Variants in SLC25A47 observed in about 807,000 individuals in gnomAD.
SLC25A47 encodes the protein solute carrier family 25 member 47.
In SLC25A47, 30 loss-of-function variants were observed where a neutral mutation model predicts 29.8. The ratio of observed to expected loss-of-function variants is 1.01; its 90% CI spans 0.75 to 1.36. The LOEUF (loss-of-function observed/expected upper bound fraction) is 1.36, where lower values mean the gene tolerates loss of function less well. Ranked by LOEUF, SLC25A47 falls within the 40% of genes most tolerant of loss-of-function variation. The probability of loss-of-function intolerance (pLI) is 0.00; values close to 1 mark genes in which losing one functional copy is unlikely to be tolerated. For missense variants in SLC25A47, 430 were observed against 441.9 expected (o/e 0.97, Z 0.24); for synonymous variants, 204 against 197.8 (o/e 1.03, Z -0.26).
rs746946677 is a variant in SLC25A47 at position 100,328,766 on chromosome 14, TGCAGAC to T, written c.375_380del (p.Thr127_Gln128del). 1.9e-5 allele frequency: 31 copies of T among 1,612,906 alleles called. No individual in the cohort carries two copies. In the Middle Eastern group the frequency reaches 1.6e-3, roughly 86 times the overall value. On this transcript the variant is annotated inframe_deletion, in exon 5 of 6. Transcript: ENST00000361529. ...CCCACTGAGGTGGCCAAAGTCCGCT[TGCAGAC>T]GCAGACACAGGCGCAGAAGCAGCAG...
At position 100,326,171 on chromosome 14, in the gene SLC25A47, G is replaced by C. The variant is rs374251500; in HGVS notation, c.87G>C (p.Thr29=). 2 of 1,613,674 alleles carry C rather than the reference G, an allele frequency of 1.2e-6. No individual in the cohort carries two copies. Among genetic ancestry groups the C allele is most frequent in the Admixed American group, 1.7e-5 (1 of 59,984 alleles). Residue 29 remains threonine (T), a synonymous_variant, in exon 3 of 6, where the codon ACG becomes ACC. Coordinates refer to ENST00000361529, the MANE Select transcript of SLC25A47 (RefSeq NM_207117.4). The part of the protein sequence containing the change: ...PLDTVKVRIQ[T]EPKYTGIWHC... ...TTCTCCTGCAGGTCAGGATCCAGAC[G>C]GAGCCAAAGTACACAGGCATCTGGC... is the stretch of plus-strand genomic sequence containing the variant.
chr14:100,328,607 A>T, intron 4 of SLC25A47, 119 bp from the exon 5 acceptor site: 1 of 1,052,252 alleles, frequency 9.5e-7, no homozygotes, highest in Admixed American at 2.1e-5. Flanking sequence ...GCCAGCCTGC[A>T]GGGTCTCGGG....
chr14:100,328,936 A>G lies in SLC25A47; in HGVS notation c.538A>G (p.Lys180Glu), dbSNP rs778680888. Reference protein sequence around the residue: ...AREEGLCGLYKGSSALVLRDG... With the variant: ...AREEGLCGLYEGSSALVLRDG... ...TGAGGAGGGGCTGTGCGGCCTCTAC[A>G]AGGGCAGCTCGGCCCTGGTCTTACG... The change falls in exon 5 of 6, where the codon AAG (lysine) becomes GAG (glutamate). Residue 180 changes from lysine to glutamate, a missense_variant. Coordinates refer to ENST00000361529, the MANE Select transcript of SLC25A47 (RefSeq NM_207117.4). The G allele has an allele frequency of 2.5e-6, 4 of 1,606,680 alleles. No individual in the cohort carries two copies. The highest frequency in any genetic ancestry group is 3.3e-5 in the Admixed American group (2 of 60,022).
At chr14:100,324,545 G>A (rs536570482) in intron 1 of SLC25A47, among the ~76,000 whole-genome samples, 34 of 152,290 alleles carry the variant, frequency 2.2e-4, no homozygotes, top group Non-Finnish European at 4.7e-4. Context: ...GCCTTTCTCA[G>A]CCCCAGCTAG....
intron 1 of SLC25A47, among the ~76,000 whole-genome samples, chr14:100,324,201 G>A (rs1020242115): frequency 6.6e-6 from 1 of 151,996 alleles, no homozygotes; most frequent in Non-Finnish European, 1.5e-5. Flanking sequence ...AGAAGGCAGA[G>A]TACCTGCCCC....
intron 2 of SLC25A47, 125 bp from the exon 3 acceptor site, chr14:100,326,032 C>A: frequency 1.0e-6 from 1 of 983,120 alleles, no homozygotes; most frequent in South Asian, 1.5e-5. Flanking sequence ...GGCTCCCTGT[C>A]CCTGCTGTGC....
At chr14:100,325,591 G>C (rs1238418213) in intron 1 of SLC25A47, among the ~76,000 whole-genome samples, 197 bp from the exon 2 acceptor site, 2 of 152,210 alleles carry the variant, frequency 1.3e-5, no homozygotes, top group African/African-American at 4.8e-5. Flanking sequence ...GAAGACACTC[G>C]GAGGCTCAAT....
Position 100,328,832 on chromosome 14 carries a change from C to T in SLC25A47, c.434C>T (p.Pro145Leu). The T allele has an allele frequency of 6.2e-7, 1 of 1,612,510 alleles. No homozygotes were observed. The highest frequency in any genetic ancestry group is 1.1e-5 in the South Asian group (1 of 91,072). ...RLSASGPLAV[P>L]PMCPVPPACP... is the part of the protein sequence containing the mutation. ...TCGGCCTCGGGGCCGTTGGCTGTGC[C>T]CCCCATGTGTCCTGTGCCCCCAGCC... Residue 145 changes from proline (P) to leucine (L), a missense_variant, in exon 5 of 6, where the codon CCC (proline) becomes CTC (leucine). Physicochemically the swap from Pro to Leu is moderately conservative, Grantham distance 98 (BLOSUM62 -3). Coordinates refer to ENST00000361529, the MANE Select transcript of SLC25A47 (RefSeq NM_207117.4).
chr14:100,325,515 A>G (rs998443451), intron 1 of SLC25A47, among the ~76,000 whole-genome samples: 1 of 152,204 alleles, frequency 6.6e-6, no homozygotes, highest in Non-Finnish European at 1.5e-5. Flanking sequence ...TCTTTGGCCC[A>G]AGGCAGCGAG....
chr14:100,328,538 T>C (rs947134060), intron 4 of SLC25A47, among the ~76,000 whole-genome samples, 188 bp from the exon 5 acceptor site: 1 of 152,214 alleles, frequency 6.6e-6, no homozygotes, highest in Non-Finnish European at 1.5e-5. Context: ...CGAGGAAGCA[T>C]GGGCTTTGGC....
chr14:100,327,781 GC>G (rs1198813400), intron 4 of SLC25A47, among the ~76,000 whole-genome samples: 1 of 152,256 alleles, frequency 6.6e-6, no homozygotes, highest in Non-Finnish European at 1.5e-5. Flanking sequence ...TGTGCATGGA[GC>G]ACCTGCGGTG....
At position 100,329,883 on chromosome 14, in the gene SLC25A47, GGA is replaced by G; in HGVS notation, c.*240_*241del. ...GTTGGCCTAGGGTGGCAGGAGCCAG[GGA>G]GGAGTGGGCCTCTTTGATGAGAGCG... is the stretch of plus-strand genomic sequence containing the variant. On this transcript the variant is annotated 3_prime_UTR_variant, in exon 6 of 6. Coordinates refer to ENST00000361529, the MANE Select transcript of SLC25A47 (RefSeq NM_207117.4). The G allele has an allele frequency of 1.7e-6, 1 of 584,098 alleles. No individual in the cohort carries two copies. 36.2% of individuals were successfully genotyped at this position (584,098 alleles called of 1,614,324 possible).
In SLC25A47 at chr14:100,328,753, G is replaced by C; in HGVS notation, c.355G>C (p.Ala119Pro). ...GTTCCTGACGTCGCCCACTGAGGTG[G>C]CCAAAGTCCGCTTGCAGACGCAGAC... Reference protein sequence around the residue: ...RVFLTSPTEVAKVRLQTQTQA... With the variant: ...RVFLTSPTEVPKVRLQTQTQA... Residue 119 changes from alanine to proline, a missense_variant, in exon 5 of 6, where the codon GCC becomes CCC. Ala to Pro is a conservative substitution (Grantham distance 27, BLOSUM62 -1). Transcript: ENST00000361529. The C allele has an allele frequency of 6.2e-7, 1 of 1,613,006 alleles. No individual in the cohort carries two copies. Among genetic ancestry groups the C allele is most frequent in the Non-Finnish European group, 8.5e-7 (1 of 1,179,946 alleles).
Position 100,326,247 on chromosome 14 carries a change from G to C in SLC25A47, c.144+19G>C, listed in dbSNP as rs1199918563. 3 of 1,611,420 alleles carry C rather than the reference G, an allele frequency of 1.9e-6. No homozygotes were observed. Among genetic ancestry groups the C allele is most frequent in the Non-Finnish European group, 2.5e-6 (3 of 1,178,678 alleles). Reference sequence around the variant, plus strand: ...AGAGCGCGTAGGTCTGGGGCCAGGGGCTGGGTAGGGAGACAGGGAGGGGAT... The same window carrying C: ...AGAGCGCGTAGGTCTGGGGCCAGGGCCTGGGTAGGGAGACAGGGAGGGGAT... On this transcript the variant is annotated intron_variant, in intron 3 of 5. Coordinates refer to ENST00000361529, the MANE Select transcript of SLC25A47 (RefSeq NM_207117.4).
chr14:100,323,581 G>A (rs750196487), intron 1 of SLC25A47, 139 bp downstream of exon 1: 1 of 1,043,496 alleles, frequency 9.6e-7, no homozygotes, highest in Non-Finnish European at 1.4e-6. Flanking sequence ...GGAGCAGAGA[G>A]CAGGTTCCTG....
At position 100,328,916 on chromosome 14, in the gene SLC25A47, A is replaced by C. The variant is rs571343013; in HGVS notation, c.518A>C (p.Glu173Ala). 2 of 1,609,334 alleles carry C rather than the reference A, an allele frequency of 1.2e-6. No individual in the cohort carries two copies. Among genetic ancestry groups the C allele is most frequent in the South Asian group, 2.2e-5 (2 of 91,082 alleles). ...TGCCTGGCCACGGTAGCCCGTGAGG[A>C]GGGGCTGTGCGGCCTCTACAAGGGC... is the stretch of plus-strand genomic sequence containing the variant. ...LHCLATVARE[E>A]GLCGLYKGSS... The change falls in exon 5 of 6, where the codon GAG (glutamate) becomes GCG (alanine). Residue 173 changes from glutamate to alanine, a missense_variant. Glu to Ala is a moderately radical substitution (Grantham distance 107). Transcript: ENST00000361529.
Position 100,329,743 on chromosome 14 carries a change from A to G in SLC25A47, c.*98A>G. 6.9e-7 allele frequency: 1 copy of G among 1,450,564 alleles called. No homozygotes were observed. Among genetic ancestry groups the G allele is most frequent in the South Asian group, 1.3e-5 (1 of 76,544 alleles). The allele number at this position is 1,450,564 out of a possible 1,614,324, so 89.9% of individuals were successfully genotyped here. A position where few individuals can be genotyped will look rare whatever the true frequency, so the allele number is the denominator to read the frequency against. On this transcript the variant is annotated 3_prime_UTR_variant, in exon 6 of 6. Coordinates refer to ENST00000361529, the MANE Select transcript of SLC25A47 (RefSeq NM_207117.4). Reference sequence around the variant, plus strand: ...AGTGTGGCTGGGTTCGGGACCCCACAGGGCCATTGCCCAGGAGAATGAGGA... The same window carrying G: ...AGTGTGGCTGGGTTCGGGACCCCACGGGGCCATTGCCCAGGAGAATGAGGA...
chr14:100,326,479 C>T lies in SLC25A47; in HGVS notation c.144+251C>T, dbSNP rs568269478. Among the ~76,000 whole-genome samples, 10 of 152,290 alleles carry T rather than the reference C, an allele frequency of 6.6e-5. No individual in the cohort carries two copies. In the East Asian group the frequency reaches 9.7e-4, roughly 15 times the overall value. ...AGGTAGCGTTCAGGTCTTTGAAAGT[C>T]GGAGGAGGGACCCATGCACTGCATT... On this transcript the variant is annotated intron_variant, in intron 3 of 5. Transcript: ENST00000361529.
At chr14:100,326,354 G>A in intron 3 of SLC25A47, 126 bp downstream of exon 3, 1 of 837,242 alleles carries the variant, frequency 1.2e-6, no homozygotes, top group South Asian at 1.6e-5. Context: ...CATGGGAATA[G>A]TTCTGCCAAT....
Sources: gnomAD v4.1 joint callset for allele counts (sites outside exome capture counted in the v4.1 genomes callset) on GRCh38, gnomAD v4.1.1 for gene constraint, MANE v1.5 for transcripts, NCBI Gene and HGNC (gene_info 2026-07-23, HGNC 2026-07-21) for gene names.